The following MTUS2 variants were observed in gnomAD, a reference collection of about 807,000 sequenced individuals.
MTUS2 encodes microtubule-associated tumor suppressor candidate 2.
A neutral mutation model predicts 114.1 loss-of-function variants in MTUS2; 40 were observed. The observed-to-expected ratio is 0.35, with a 90% confidence interval of 0.27 to 0.46. The LOEUF (loss-of-function observed/expected upper bound fraction) is 0.46, where lower values mean the gene tolerates loss of function less well. MTUS2 is among the 20% of genes least tolerant of loss of function. The pLI is 1.00. For missense variants in MTUS2, 1,679 were observed against 1,705.4 expected (o/e 0.98, Z 0.27); for synonymous variants, 688 against 672.0 (o/e 1.02, Z -0.37).
chr13:29,303,362 A>G (rs987620760), intron 6 of MTUS2, among the ~76,000 whole-genome samples: 5 of 152,188 alleles, frequency 3.3e-5, no homozygotes, highest in African/African-American at 1.2e-4. Flanking sequence ...TAGCTGAGCT[A>G]AAGGAGCATG....
chr13:29,314,591 A>G (rs972781629), intron 6 of MTUS2, among the ~76,000 whole-genome samples: 2 of 152,218 alleles, frequency 1.3e-5, no homozygotes, highest in Non-Finnish European at 2.9e-5. Flanking sequence ...GTAAATATCA[A>G]GAAGTAGCAT....
intron 9 of MTUS2, among the ~76,000 whole-genome samples, chr13:29,475,832 C>G (rs1261666794): frequency 6.6e-6 from 1 of 152,082 alleles, no homozygotes; most frequent in Non-Finnish European, 1.5e-5. Flanking sequence ...TTATGGTAAG[C>G]TGAAGTTAAC....
At chr13:29,068,610 C>A (rs1321569068) in intron 4 of MTUS2, among the ~76,000 whole-genome samples, 1 of 152,102 alleles carries the variant, frequency 6.6e-6, no homozygotes, top group Non-Finnish European at 1.5e-5. Flanking sequence ...TGTCTGAGAT[C>A]AGAACATTGG....
intron 4 of MTUS2, among the ~76,000 whole-genome samples, chr13:29,059,143 T>G (rs1487713725): frequency 6.6e-6 from 1 of 152,148 alleles, no homozygotes; most frequent in Non-Finnish European, 1.5e-5. Context: ...ACCGTGGCTT[T>G]TCGAATTGCC....
At chr13:29,085,916 C>A (rs1889672460) in intron 4 of MTUS2, among the ~76,000 whole-genome samples, 1 of 152,144 alleles carries the variant, frequency 6.6e-6, no homozygotes, top group South Asian at 2.1e-4. Context: ...TATAAGCATT[C>A]CCTTTCATCT....
intron 9 of MTUS2, among the ~76,000 whole-genome samples, chr13:29,444,272 A>G (rs919397828): frequency 2.0e-5 from 3 of 152,210 alleles, no homozygotes; most frequent in Non-Finnish European, 2.9e-5. Context: ...AAAAATAAAA[A>G]TTAAAAATTA....
rs1020626030 is a variant in MTUS2, at chr13:28,906,961, A to G, written c.-243+67111A>G. On this transcript the variant is annotated intron_variant, in intron 2 of 15. Transcript: ENST00000612955. The stretch of plus-strand genomic sequence containing the variant: ...AAGACACATAATTGTCAGATTCACC[A>G]AAGTAGAAATGAAGGAAAAAATGTT... 2.8e-4 allele frequency among the ~76,000 whole-genome samples: 42 copies of G among 151,488 alleles called. 2 individuals carry two copies. The highest frequency in any genetic ancestry group is 1.0e-3 in the African/African-American group (41 of 41,006).
chr13:29,372,561 A>T (rs1158597941), intron 8 of MTUS2, among the ~76,000 whole-genome samples: 2 of 152,304 alleles, frequency 1.3e-5, no homozygotes, highest in East Asian at 3.9e-4. Context: ...AACATCCACC[A>T]TGCCCAGATA....
At chr13:28,884,258 T>C (rs1300044588) in intron 2 of MTUS2, among the ~76,000 whole-genome samples, 1 of 152,212 alleles carries the variant, frequency 6.6e-6, no homozygotes, top group Non-Finnish European at 1.5e-5. Context: ...TGCTGAGGTA[T>C]GAACGAACCT....
rs1248012741 is a variant in MTUS2, at chr13:29,281,599, T to A, written c.2645-105T>A. The A allele has an allele frequency of 2.3e-6, 3 of 1,276,748 alleles. No individual in the cohort carries two copies. The African/African-American group carries it at 4.4e-5, about 19-fold the overall frequency. The allele number at this position is 1,276,748 out of a possible 1,614,324, so 79.1% of individuals were successfully genotyped here. Reference sequence around the variant, plus strand: ...GTCACTCACTAAGAATCAGGTCAAGTTCTAAAGCAGATGACGGCAGTAGGA... The same window carrying A: ...GTCACTCACTAAGAATCAGGTCAAGATCTAAAGCAGATGACGGCAGTAGGA... On this transcript the variant is annotated intron_variant, in intron 5 of 15. Coordinates refer to ENST00000612955, the MANE Select transcript of MTUS2 (RefSeq NM_001033602.4).
intron 7 of MTUS2, among the ~76,000 whole-genome samples, chr13:29,332,650 TC>T (rs149369270): frequency 0.55 from 71,710 of 130,656 alleles, 21,991 homozygotes; most frequent in East Asian, 0.74. Context: ...TTTTTTTTTT[TC>T]GGACACAGAG....
chr13:29,038,915 G>A (rs538559327), intron 4 of MTUS2, among the ~76,000 whole-genome samples: 2 of 152,334 alleles, frequency 1.3e-5, no homozygotes, highest in Admixed American at 1.3e-4. Flanking sequence ...GGCTGCGGGC[G>A]GGCCTGGGGT....
chr13:29,042,143 C>T (rs2479765), intron 4 of MTUS2, among the ~76,000 whole-genome samples: 145,478 of 152,210 alleles, frequency 0.96, 69,627 homozygotes, highest in South Asian at 0.98. Context: ...ATGTCCTTTC[C>T]GTGCTGATTT....
At chr13:28,890,125 A>G (rs1187355616) in intron 2 of MTUS2, among the ~76,000 whole-genome samples, 1 of 152,214 alleles carries the variant, frequency 6.6e-6, no homozygotes, top group Admixed American at 6.5e-5. Flanking sequence ...TTTGTACTCC[A>G]TGATCACAGA....
chr13:28,947,098 G>T (rs1392234947), intron 2 of MTUS2, among the ~76,000 whole-genome samples: 2 of 152,176 alleles, frequency 1.3e-5, no homozygotes, highest in Non-Finnish European at 2.9e-5. Flanking sequence ...CTTTATTGTG[G>T]TTGAGTTCAC....
At chr13:29,498,044 T>G (rs1555287089) in intron 13 of MTUS2, among the ~76,000 whole-genome samples, 1 of 152,092 alleles carries the variant, frequency 6.6e-6, no homozygotes, top group Non-Finnish European at 1.5e-5. Context: ...CCTATAAGAG[T>G]CCCAGCTACC....
chr13:29,162,075 C>T (rs1340207132), intron 5 of MTUS2, among the ~76,000 whole-genome samples: 1 of 152,162 alleles, frequency 6.6e-6, no homozygotes, highest in Non-Finnish European at 1.5e-5. Flanking sequence ...TAGCATCCCT[C>T]CAATCACTGC....
At chr13:29,353,450 A>G (rs1869469562) in intron 7 of MTUS2, among the ~76,000 whole-genome samples, 1 of 151,794 alleles carries the variant, frequency 6.6e-6, no homozygotes, top group African/African-American at 2.4e-5. Flanking sequence ...ACAGACACAC[A>G]CCACTGCACA....
intron 14 of MTUS2, among the ~76,000 whole-genome samples, chr13:29,500,792 A>AACACAC (rs3066073): frequency 0.011 from 1,577 of 144,360 alleles, 13 homozygotes; most frequent in Non-Finnish European, 0.014. Flanking sequence ...TTACATCAGA[A>AACACAC]ACACACACAC....
Sources: allele counts gnomAD v4.1 joint callset (sites outside exome capture counted in the v4.1 genomes callset), GRCh38; gene constraint gnomAD v4.1.1; transcripts MANE v1.5; gene names NCBI Gene and HGNC (gene_info 2026-07-23, HGNC 2026-07-21).